WDPCP: variants seen among roughly 807,000 people sequenced by gnomAD.
WDPCP encodes WD repeat-containing and planar cell polarity effector protein fritz homolog.
WDPCP carries 71 observed loss-of-function variants against 93.1 expected under a neutral mutation model. The ratio of observed to expected loss-of-function variants is 0.76; its 90% CI spans 0.63 to 0.93. The LOEUF is 0.93. WDPCP is among the 40% of genes least tolerant of loss of function. WDPCP has a pLI of 0.00. For missense variants in WDPCP, 844 were observed against 887.4 expected, an observed-to-expected ratio of 0.95 and a Z score of 0.62; for synonymous variants, 315 against 315.0, an observed-to-expected ratio of 1.00 and a Z score of 0.00.
intron 1 of WDPCP, among the ~76,000 whole-genome samples, chr2:63,582,277 T>C (rs753632698): frequency 5.3e-5 from 8 of 152,034 alleles, no homozygotes; most frequent in Non-Finnish European, 8.8e-5. Flanking sequence ...ATAAAAAATA[T>C]ACTGGATAGA....
intron 14 of WDPCP, among the ~76,000 whole-genome samples, chr2:63,248,729 T>C (rs1680483614): frequency 6.6e-6 from 1 of 152,148 alleles, no homozygotes; most frequent in South Asian, 2.1e-4. Context: ...TCTTGGTCCT[T>C]AGAATTGATA....
At chr2:63,294,321 G>GA (rs889249302) in intron 13 of WDPCP, among the ~76,000 whole-genome samples, 2 of 56 alleles carry the variant, frequency 0.036, no homozygotes, top group African/African-American at 0.25. Flanking sequence ...CTGGCCAACA[G>GA]GGGAAACCCC....
rs150787209 is a variant in WDPCP at position 63,746,925 on chromosome 2, T to C, written n.308+66697A>G. Among the ~76,000 whole-genome samples the C allele has an allele frequency of 1.6e-4, 24 of 152,168 alleles. No homozygotes were observed. The Middle Eastern group carries it at 0.01, about 65-fold the overall frequency. The stretch of plus-strand genomic sequence containing the variant: ...TGACCCACTCCCTCCCCTTTGAAAA[T>C]TGCTAATAAAAACTTGGGTTTTATG... On this transcript the variant is annotated intron_variant and non_coding_transcript_variant, in intron 2 of 4. Transcript: ENST00000467687.
chr2:63,532,036 A>T (rs571120473), intron 1 of WDPCP, among the ~76,000 whole-genome samples: 1 of 152,344 alleles, frequency 6.6e-6, no homozygotes, highest in South Asian at 2.1e-4. Context: ...TGGGGCTGAA[A>T]ACCATGGCAC....
chr2:63,666,473 A>G (rs767635727), intron 2 of WDPCP, among the ~76,000 whole-genome samples: 1 of 152,226 alleles, frequency 6.6e-6, no homozygotes, highest in South Asian at 2.1e-4. Flanking sequence ...GTGTATGTTT[A>G]AAACTCCAGT....
At chr2:63,321,918 G>A (rs1225884972) in intron 12 of WDPCP, among the ~76,000 whole-genome samples, 2 of 151,892 alleles carry the variant, frequency 1.3e-5, no homozygotes, top group Non-Finnish European at 2.9e-5. Flanking sequence ...ACTTTACTGA[G>A]GTATTATTGA....
At chr2:63,478,182 T>C (rs1700074607) in intron 6 of WDPCP, among the ~76,000 whole-genome samples, 2 of 151,986 alleles carry the variant, frequency 1.3e-5, no homozygotes, top group African/African-American at 4.8e-5. Context: ...AGGCCCCAAA[T>C]TTATAAAACA....
At chr2:63,809,423 CATT>C (rs1411151430) in intron 2 of WDPCP, among the ~76,000 whole-genome samples, 4 of 152,178 alleles carry the variant, frequency 2.6e-5, no homozygotes, top group Non-Finnish European at 5.9e-5. Context: ...CCCAACAGCT[CATT>C]GAGAACGGGC....
intron 11 of WDPCP, among the ~76,000 whole-genome samples, chr2:63,381,297 TTC>T (rs1692284759): frequency 6.6e-6 from 1 of 152,140 alleles, no homozygotes; most frequent in Admixed American, 6.6e-5. Flanking sequence ...TTTTTTTACC[TTC>T]TCTTTTAAAA....
At chr2:63,765,327 G>C (rs1670121169) in intron 2 of WDPCP, among the ~76,000 whole-genome samples, 1 of 152,110 alleles carries the variant, frequency 6.6e-6, no homozygotes, top group African/African-American at 2.4e-5. Flanking sequence ...TAAATGTTTT[G>C]AGGTGGGAGG....
In WDPCP at chr2:63,484,567, T is replaced by G. The variant is rs750071841; in HGVS notation, c.384+37A>C. The G allele has an allele frequency of 3.1e-6, 5 of 1,611,332 alleles. No homozygotes were observed. The East Asian group carries it at 1.1e-4, about 36-fold the overall frequency. On this transcript the variant is annotated intron_variant, in intron 6 of 17. Coordinates refer to ENST00000272321, the MANE Select transcript of WDPCP (RefSeq NM_015910.7). ...ATTACTACATAGTTTTCAGCTCCAT[T>G]GGTTAAACACTGCAAAGGCTTGTCA...
chr2:63,309,937 T>A (rs1189793661), intron 13 of WDPCP, among the ~76,000 whole-genome samples: 1 of 152,172 alleles, frequency 6.6e-6, no homozygotes, highest in Admixed American at 6.5e-5. Flanking sequence ...ACTCTGAAAC[T>A]AGGCTGCCTT....
chr2:63,268,207 G>A (rs955921785), intron 13 of WDPCP, among the ~76,000 whole-genome samples: 5 of 152,138 alleles, frequency 3.3e-5, no homozygotes, highest in Non-Finnish European at 4.4e-5. Context: ...TATGCTAAGT[G>A]AAAGAAGCTA....
intron 1 of WDPCP, among the ~76,000 whole-genome samples, chr2:63,494,570 C>G (rs933889488): frequency 1.3e-5 from 2 of 152,020 alleles, no homozygotes; most frequent in South Asian, 2.1e-4. Flanking sequence ...AGTACTCTAC[C>G]GTATTGGGGT....
intron 1 of WDPCP, among the ~76,000 whole-genome samples, chr2:63,494,570 C>T (rs933889488): frequency 6.6e-6 from 1 of 152,020 alleles, no homozygotes; most frequent in Non-Finnish European, 1.5e-5. Flanking sequence ...AGTACTCTAC[C>T]GTATTGGGGT....
At chr2:63,756,608 A>G (rs963444939) in intron 2 of WDPCP, among the ~76,000 whole-genome samples, 4 of 152,192 alleles carry the variant, frequency 2.6e-5, no homozygotes, top group African/African-American at 9.7e-5. Context: ...TAGCTTTATC[A>G]TATCATTTAA....
At chr2:63,510,071 T>A (rs963006998) in intron 1 of WDPCP, among the ~76,000 whole-genome samples, 1 of 151,734 alleles carries the variant, frequency 6.6e-6, no homozygotes, top group African/African-American at 2.4e-5. Context: ...AACTCCTCCC[T>A]CTCATTTTAT....
chr2:63,824,749 A>G (rs1671087465), intron 1 of WDPCP, among the ~76,000 whole-genome samples: 1 of 151,918 alleles, frequency 6.6e-6, no homozygotes, highest in Non-Finnish European at 1.5e-5. Context: ...CTCTTTTTGT[A>G]TTTACAGTTT....
intron 3 of WDPCP, among the ~76,000 whole-genome samples, chr2:63,608,125 A>G (rs1046260896): frequency 6.7e-6 from 1 of 150,322 alleles, no homozygotes; most frequent in Admixed American, 6.6e-5. Context: ...CTAATATTAA[A>G]TAAGTTGCAG....
Sources: allele counts gnomAD v4.1 joint callset (sites outside exome capture counted in the v4.1 genomes callset), GRCh38; gene constraint gnomAD v4.1.1; transcripts MANE v1.5; gene names NCBI Gene and HGNC (gene_info 2026-07-23, HGNC 2026-07-21).